TEX9: variants seen among roughly 807,000 people sequenced by gnomAD.
TEX9 encodes the protein testis-expressed protein 9.
In TEX9, 74 loss-of-function variants were observed where a neutral mutation model predicts 59.6. The ratio of observed to expected loss-of-function variants is 1.24; its 90% CI spans 1.03 to 1.51. The LOEUF (loss-of-function observed/expected upper bound fraction) is 1.51. Ranked by LOEUF, TEX9 falls within the 40% of genes most tolerant of loss-of-function variation. The probability of loss-of-function intolerance (pLI) is 0.00; values close to 1 mark genes in which losing one functional copy is unlikely to be tolerated. For missense variants in TEX9, 522 were observed against 447.8 expected (o/e 1.17, Z -1.49); for synonymous variants, 186 against 152.2 (o/e 1.22, Z -1.64).
At chr15:56,432,106 T>C (rs2050613058) in intron 12 of TEX9, among the ~76,000 whole-genome samples, 1 of 152,172 alleles carries the variant, frequency 6.6e-6, no homozygotes. Context: ...AATTCATCCA[T>C]TCCTTATAAA....
intron 10 of TEX9, among the ~76,000 whole-genome samples, chr15:56,415,283 TTC>T (rs2049617403): frequency 6.6e-6 from 1 of 151,978 alleles, no homozygotes; most frequent in African/African-American, 2.4e-5. Flanking sequence ...CAGTTGCTTT[TTC>T]TGTCTTTGTC....
rs201844903 is a variant in TEX9, at chr15:56,273,254, A to AT, written c.-107+28984dup. Among the ~76,000 whole-genome samples the AT allele has an allele frequency of 1.1e-3, 162 of 151,922 alleles. 3 individuals carry two copies. The East Asian group carries it at 0.026, about 25-fold the overall frequency. ...AGTACCACACCCGGCCGAATTGTGT[A>AT]TTTTTTTTAACTCAATATTATCTCT... is the stretch of plus-strand genomic sequence containing the variant. On this transcript the variant is annotated intron_variant, in intron 1 of 5. Transcript: ENST00000560827.
intron 2 of TEX9, among the ~76,000 whole-genome samples, chr15:56,366,935 A>C (rs532412446): frequency 1.2e-3 from 183 of 152,370 alleles, no homozygotes; most frequent in Admixed American, 2.5e-3. Context: ...AGTGTACTTA[A>C]GCAAATTAAT....
At chr15:56,284,658 A>G (rs1324869198) in intron 1 of TEX9, among the ~76,000 whole-genome samples, 1 of 152,196 alleles carries the variant, frequency 6.6e-6, no homozygotes, top group Non-Finnish European at 1.5e-5. Context: ...CCTCTTTACC[A>G]GTATTTCCAG....
At chr15:56,391,199 A>G in intron 6 of TEX9, 44 bp from the exon 7 acceptor site, 1 of 1,301,602 alleles carries the variant, frequency 7.7e-7, no homozygotes, top group Non-Finnish European at 1.0e-6. Flanking sequence ...TTTTGTTCAT[A>G]TGTACGTATA....
chr15:56,300,903 G>T (rs1056096541), intron 1 of TEX9, among the ~76,000 whole-genome samples: 2 of 152,138 alleles, frequency 1.3e-5, no homozygotes, highest in East Asian at 1.9e-4. Flanking sequence ...ACAAGACTAG[G>T]CTGTGAAGAC....
intron 12 of TEX9, chr15:56,434,136 A>C: frequency 6.2e-7 from 1 of 1,605,802 alleles, no homozygotes; most frequent in Non-Finnish European, 8.5e-7. Context: ...ACTTTTTCTT[A>C]CTTTGTCTGC....
At chr15:56,275,461 A>G (rs2044645789) in intron 1 of TEX9, among the ~76,000 whole-genome samples, 1 of 152,146 alleles carries the variant, frequency 6.6e-6, no homozygotes, top group South Asian at 2.1e-4. Context: ...GAGCCTATGA[A>G]TGGGTGCAAA....
chr15:56,435,854 T>G (rs557792651), intron 12 of TEX9, among the ~76,000 whole-genome samples: 26 of 152,134 alleles, frequency 1.7e-4, no homozygotes, highest in African/African-American at 5.1e-4. Flanking sequence ...ATATAAAAAA[T>G]TACAGACCAA....
In TEX9 at chr15:56,439,492, C is replaced by A. The variant is rs191915564; in HGVS notation, c.*30-6179C>A. On this transcript the variant is annotated intron_variant, in intron 12 of 12. Transcript: ENST00000352903. ...TGCCATATAGCTGCAGTATTCAAAA[C>A]TGTGTAGTATTGGTGGAGGGATGGA... Among the ~76,000 whole-genome samples the A allele has an allele frequency of 4.0e-3, 613 of 152,026 alleles. 17 individuals carry two copies. Among genetic ancestry groups the A allele is most frequent in the Admixed American group, 0.037 (569 of 15,266 alleles).
chr15:56,444,601 C>T (rs1404702399), intron 12 of TEX9: 1 of 1,613,090 alleles, frequency 6.2e-7, no homozygotes, highest in Non-Finnish European at 8.5e-7. Flanking sequence ...CGTTTGTCTT[C>T]TGCAGCATTC....
intron 1 of TEX9, among the ~76,000 whole-genome samples, chr15:56,267,575 T>G (rs1303188947): frequency 1.3e-5 from 2 of 152,216 alleles, no homozygotes; most frequent in African/African-American, 4.8e-5. Context: ...TACCATTTAT[T>G]AAATAGGGAA....
At chr15:56,427,957 A>G (rs974440734) in intron 11 of TEX9, among the ~76,000 whole-genome samples, 6 of 152,218 alleles carry the variant, frequency 3.9e-5, no homozygotes, top group East Asian at 3.9e-4. Flanking sequence ...GTTAGTGTAG[A>G]AAATGGGACT....
At chr15:56,310,174 G>A (rs760544922) in intron 1 of TEX9, among the ~76,000 whole-genome samples, 3 of 152,200 alleles carry the variant, frequency 2.0e-5, no homozygotes, top group Non-Finnish European at 2.9e-5. Flanking sequence ...GCTCACGCCT[G>A]TAATCCCGAC....
chr15:56,364,298 C>A (rs1189915565), upstream of TEX9, among the ~76,000 whole-genome samples: 1 of 151,914 alleles, frequency 6.6e-6, no homozygotes, highest in Non-Finnish European at 1.5e-5. Context: ...GGATTACAGG[C>A]ATGAGCCACC....
intron 1 of TEX9, among the ~76,000 whole-genome samples, chr15:56,265,053 T>C (rs1371110855): frequency 6.6e-6 from 1 of 152,224 alleles, no homozygotes; most frequent in African/African-American, 2.4e-5. Context: ...TTTGTTCTTC[T>C]TTTCAGTTTT....
At chr15:56,457,639 T>A in the TEX9 span, among the ~76,000 whole-genome samples, 4 of 151,908 alleles carry the variant, frequency 2.6e-5, no homozygotes, top group African/African-American at 9.7e-5. Context: ...CTGGGCAACA[T>A]AGAGAGGTGC....
At chr15:56,340,116 G>A (rs561221467) in intron 1 of TEX9, among the ~76,000 whole-genome samples, 3 of 152,240 alleles carry the variant, frequency 2.0e-5, no homozygotes, top group East Asian at 3.9e-4. Context: ...CCCCCTAGAA[G>A]CAGCATTGTT....
At chr15:56,350,019 T>C (rs1412476175) in intron 1 of TEX9, among the ~76,000 whole-genome samples, 1 of 152,086 alleles carries the variant, frequency 6.6e-6, no homozygotes, top group Admixed American at 6.5e-5. Context: ...AAGTGAGCTG[T>C]CCCTCCCCTG....
Sources: allele counts gnomAD v4.1 joint callset (sites outside exome capture counted in the v4.1 genomes callset), GRCh38; gene constraint gnomAD v4.1.1; transcripts MANE v1.5; gene names NCBI Gene and HGNC (gene_info 2026-07-23, HGNC 2026-07-21).